CCDC152: variants seen among roughly 807,000 people sequenced by gnomAD.
The protein encoded by CCDC152 is coiled-coil domain-containing protein 152.
Under a neutral mutation model 38.1 loss-of-function variants are expected in CCDC152, and 37 were observed. The ratio of observed to expected loss-of-function variants is 0.97; its 90% CI spans 0.75 to 1.28. The LOEUF is 1.28. Among genes scored for constraint, CCDC152 ranks in the 50% most tolerant of loss-of-function variants. The pLI is 0.00. For missense variants in CCDC152, 259 were observed against 292.1 expected (o/e 0.89, Z 0.83); for synonymous variants, 83 against 87.1 (o/e 0.95, Z 0.26).
chr5:42,779,496 A>G lies in CCDC152; in HGVS notation c.301A>G (p.Lys101Glu). 2 of 1,518,704 alleles carry G rather than the reference A, an allele frequency of 1.3e-6. No individual in the cohort carries two copies. The highest frequency in any genetic ancestry group is 2.8e-5 in the African/African-American group (2 of 72,472). The allele number at this position is 1,518,704 out of a possible 1,614,324, so 94.1% of individuals were successfully genotyped here. ...ACTAAAAATAAGTGCTGATCTTATA[A>G]AAGAGAAGTTAAAGTCTCATGAACA... ...EQLKISADLI[K>E]EKLKSHEQEY... The change falls in exon 5 of 9, where the codon AAA becomes GAA. Residue 101 changes from lysine to glutamate, a missense_variant. Lys to Glu is a moderately conservative substitution (Grantham distance 56, BLOSUM62 1). Transcript: ENST00000361970.
intron 6 of CCDC152, among the ~76,000 whole-genome samples, chr5:42,785,979 G>T (rs2111575960): frequency 6.6e-6 from 1 of 152,190 alleles, no homozygotes; most frequent in Admixed American, 6.5e-5. Context: ...AAGGCCGTTT[G>T]ATCCTGATGA....
chr5:42,800,938 C>T lies in CCDC152; in HGVS notation c.*1157C>T. 6.2e-7 allele frequency: 1 copy of T among 1,614,174 alleles called. No homozygotes were observed. Among genetic ancestry groups the T allele is most frequent in the South Asian group, 1.1e-5 (1 of 91,082 alleles). On this transcript the variant is annotated 3_prime_UTR_variant, in exon 9 of 9. Coordinates refer to ENST00000361970, the MANE Select transcript of CCDC152 (RefSeq NM_001134848.2). Reference sequence around the variant, plus strand: ...CAGGTGATTGCAGACCCTGTTTTTTCAAATATCAGATGTCGACAATGGCAG... The same window carrying T: ...CAGGTGATTGCAGACCCTGTTTTTTTAAATATCAGATGTCGACAATGGCAG...
chr5:42,801,554 A>C lies in CCDC152; in HGVS notation c.*1773A>C. 2.1e-6 allele frequency: 1 copy of C among 465,622 alleles called. No individual in the cohort carries two copies. The highest frequency in any genetic ancestry group is 3.7e-6 in the Non-Finnish European group (1 of 268,480). 28.8% of individuals were successfully genotyped at this position (465,622 alleles called of 1,614,324 possible). ...AAACCACTGTACTTATATTTGCAGAAGCAAATGAAGTAAACTGGCAAAAGG... is the reference window on the plus strand; with the variant it reads ...AAACCACTGTACTTATATTTGCAGACGCAAATGAAGTAAACTGGCAAAAGG... On this transcript the variant is annotated 3_prime_UTR_variant, in exon 9 of 9. Transcript: ENST00000361970.
At chr5:42,764,079 C>A (rs570789082) in intron 3 of CCDC152, among the ~76,000 whole-genome samples, 77 of 152,260 alleles carry the variant, frequency 5.1e-4, no homozygotes, top group African/African-American at 1.8e-3. Flanking sequence ...TAGTATGGTA[C>A]ATTTGTTACA....
chr5:42,780,331 G>T (rs1418742669), intron 5 of CCDC152, among the ~76,000 whole-genome samples: 1 of 152,080 alleles, frequency 6.6e-6, no homozygotes, highest in Non-Finnish European at 1.5e-5. Context: ...TTCTGGCTAT[G>T]CTCTTAGAAA....
chr5:42,798,618 G>C (rs886265937), intron 7 of CCDC152, among the ~76,000 whole-genome samples: 3 of 152,058 alleles, frequency 2.0e-5, no homozygotes, highest in East Asian at 1.9e-4. Context: ...CCTTATCACT[G>C]GTCTATTATT....
intron 6 of CCDC152, 130 bp from the exon 7 acceptor site, chr5:42,796,699 C>G: frequency 1.6e-6 from 1 of 624,866 alleles, no homozygotes; most frequent in Non-Finnish European, 2.5e-6. Context: ...TATACCTACA[C>G]CATTTCTAAA....
At chr5:42,780,917 T>C (rs1463874268) in intron 5 of CCDC152, among the ~76,000 whole-genome samples, 2 of 152,154 alleles carry the variant, frequency 1.3e-5, no homozygotes, top group African/African-American at 2.4e-5. Context: ...TTGTAACCTA[T>C]TGGGGATTAG....
At chr5:42,766,749 C>T (rs2111944217) in intron 3 of CCDC152, among the ~76,000 whole-genome samples, 1 of 151,664 alleles carries the variant, frequency 6.6e-6, no homozygotes, top group African/African-American at 2.4e-5. Flanking sequence ...AGGATGGTTA[C>T]CAGAGGCTGG....
chr5:42,770,769 G>A lies in CCDC152; in HGVS notation c.262+1104G>A, dbSNP rs543186305. On this transcript the variant is annotated intron_variant, in intron 4 of 8. Coordinates refer to ENST00000361970, the MANE Select transcript of CCDC152 (RefSeq NM_001134848.2). ...TAATATTCTTCTAATCTATTTATCT[G>A]TGTCTTCTTTCATTTCCTTCATCAA... 2.0e-5 allele frequency among the ~76,000 whole-genome samples: 3 copies of A among 152,184 alleles called. No homozygotes were observed. In the East Asian group the frequency reaches 5.8e-4, roughly 29 times the overall value.
At chr5:42,769,547 C>T (rs1170353644) in intron 3 of CCDC152, 50 bp from the exon 4 acceptor site, 1 of 1,415,360 alleles carries the variant, frequency 7.1e-7, no homozygotes, top group Admixed American at 3.1e-5. Context: ...GAGAATAATT[C>T]CAAAATGAAA....
chr5:42,793,928 G>A (rs1275853734), intron 6 of CCDC152, among the ~76,000 whole-genome samples: 8 of 152,020 alleles, frequency 5.3e-5, no homozygotes. Flanking sequence ...GAATTTTTAT[G>A]GAGAACTGGA....
At position 42,801,544 on chromosome 5, in the gene CCDC152, T is replaced by C. The variant is rs1760203353; in HGVS notation, c.*1763T>C. On this transcript the variant is annotated 3_prime_UTR_variant, in exon 9 of 9. Coordinates refer to ENST00000361970, the MANE Select transcript of CCDC152 (RefSeq NM_001134848.2). ...AAAGAAAGCCAAACCACTGTACTTATATTTGCAGAAGCAAATGAAGTAAAC... is the reference window on the plus strand; with the variant it reads ...AAAGAAAGCCAAACCACTGTACTTACATTTGCAGAAGCAAATGAAGTAAAC... 4 of 477,566 alleles carry C rather than the reference T, an allele frequency of 8.4e-6. No homozygotes were observed. Among genetic ancestry groups the C allele is most frequent in the African/African-American group, 4.0e-5 (2 of 50,188 alleles). The allele number at this position is 477,566 out of a possible 1,614,324, so 29.6% of individuals were successfully genotyped here.
Position 42,786,048 on chromosome 5 carries a change from T to A in CCDC152, c.430+2472T>A, listed in dbSNP as rs570260486. 8.1e-4 allele frequency among the ~76,000 whole-genome samples: 124 copies of A among 152,152 alleles called. 1 individual carries two copies. Among genetic ancestry groups the A allele is most frequent in the Non-Finnish European group, 1.4e-3 (95 of 67,882 alleles). Reference sequence around the variant, plus strand: ...TGTTGGGGATTTTTGAATCTATGTTTATCAGGGATATTGGCCTGTTGTTTT... The same window carrying A: ...TGTTGGGGATTTTTGAATCTATGTTAATCAGGGATATTGGCCTGTTGTTTT... On this transcript the variant is annotated intron_variant, in intron 6 of 8. Transcript: ENST00000361970.
At chr5:42,795,202 T>A (rs1760058595) in intron 6 of CCDC152, among the ~76,000 whole-genome samples, 1 of 152,080 alleles carries the variant, frequency 6.6e-6, no homozygotes, top group African/African-American at 2.4e-5. Context: ...AAATAAAAGA[T>A]GGAAAAGAAT....
intron 6 of CCDC152, among the ~76,000 whole-genome samples, chr5:42,789,729 G>A (rs1392499306): frequency 6.6e-6 from 1 of 152,082 alleles, no homozygotes; most frequent in African/African-American, 2.4e-5. Context: ...CAGTAAAGCA[G>A]ATCTCATAAG....
rs912783764 is a variant in CCDC152, at chr5:42,801,145, G to A, written c.*1364G>A. 13 of 1,614,160 alleles carry A rather than the reference G, an allele frequency of 8.1e-6. No homozygotes were observed. The highest frequency in any genetic ancestry group is 1.6e-4 in the Middle Eastern group (1 of 6,062). On this transcript the variant is annotated 3_prime_UTR_variant, in exon 9 of 9. Transcript: ENST00000361970. ...TGCTTATGGTGGTGATGAAGGCCTGGAGGAGCAGGATGAGTAGGAGCATTT... is the reference window on the plus strand; with the variant it reads ...TGCTTATGGTGGTGATGAAGGCCTGAAGGAGCAGGATGAGTAGGAGCATTT...
intron 6 of CCDC152, 125 bp from the exon 7 acceptor site, chr5:42,796,704 T>C (rs1561280518): frequency 1.1e-5 from 7 of 662,196 alleles, no homozygotes; most frequent in African/African-American, 1.9e-5. Flanking sequence ...CTACACCATT[T>C]CTAAAATATG....
At chr5:42,776,321 G>A (rs557615168) in intron 4 of CCDC152, among the ~76,000 whole-genome samples, 15 of 152,196 alleles carry the variant, frequency 9.9e-5, no homozygotes, top group Admixed American at 6.5e-5. Flanking sequence ...GATTTTTAGA[G>A]CATGAAAAAT....
Sources: allele counts gnomAD v4.1 joint callset (sites outside exome capture counted in the v4.1 genomes callset), GRCh38; gene constraint gnomAD v4.1.1; transcripts MANE v1.5; gene names NCBI Gene and HGNC (gene_info 2026-07-23, HGNC 2026-07-21).